Variants in VPS37A observed in about 807,000 individuals in gnomAD.
VPS37A encodes the protein VPS37A subunit of ESCRT-I.
In VPS37A, 30 loss-of-function variants were observed where a neutral mutation model predicts 49.8. That is an observed-to-expected ratio of 0.60 (90% CI 0.45 to 0.82). The LOEUF (loss-of-function observed/expected upper bound fraction) is 0.82. Ranked by LOEUF, VPS37A falls within the 40% of genes least tolerant of loss-of-function variation. The pLI is 0.00. For synonymous variants in VPS37A, 195 were observed against 160.6 expected (o/e 1.21, Z -1.62); for missense variants, 593 against 464.4 (o/e 1.28, Z -2.55).
the VPS37A span, among the ~76,000 whole-genome samples, chr8:17,314,272 C>T: frequency 1.3e-5 from 2 of 152,066 alleles, no homozygotes; most frequent in Admixed American, 6.5e-5. Context: ...ATCAAGAAAT[C>T]ATAGATTTCT....
chr8:17,317,724 C>A, the VPS37A span, among the ~76,000 whole-genome samples: 35 of 152,256 alleles, frequency 2.3e-4, no homozygotes, highest in East Asian at 4.8e-3. Flanking sequence ...GGCTCGAATT[C>A]CAGAGATTGT....
intron 1 of VPS37A, among the ~76,000 whole-genome samples, chr8:17,250,656 C>T (rs954134247): frequency 1.3e-5 from 2 of 152,166 alleles, no homozygotes; most frequent in African/African-American, 2.4e-5. Flanking sequence ...TTTTTAACCC[C>T]TTATAATTCC....
Position 17,260,762 on chromosome 8 carries a change from G to A in VPS37A, c.126-5145G>A, listed in dbSNP as rs181350128. Among the ~76,000 whole-genome samples the A allele has an allele frequency of 5.9e-5, 9 of 152,182 alleles. No homozygotes were observed. The East Asian group carries it at 7.7e-4, about 13-fold the overall frequency. On this transcript the variant is annotated intron_variant, in intron 1 of 11. Transcript: ENST00000324849. ...TGGCAAGTTGTTTGTTTGTTTGTTCGTTTTTTCCTTTCAGCATTTGGAAAA... is the reference window on the plus strand; with the variant it reads ...TGGCAAGTTGTTTGTTTGTTTGTTCATTTTTTCCTTTCAGCATTTGGAAAA...
At chr8:17,252,300 T>C (rs189445147) in intron 1 of VPS37A, among the ~76,000 whole-genome samples, 117 of 152,284 alleles carry the variant, frequency 7.7e-4, no homozygotes, top group Non-Finnish European at 1.3e-3. Flanking sequence ...TACAGGCACA[T>C]GCCATCATGC....
At chr8:17,304,468 G>A (rs187644767), downstream of VPS37A, 15 of 1,613,922 alleles carry the variant, frequency 9.3e-6, no homozygotes, top group African/African-American at 1.3e-5. Flanking sequence ...TCAGGTAGTC[G>A]GCCCGATTCT....
the VPS37A span, chr8:17,311,578 G>A: frequency 2.5e-6 from 4 of 1,614,082 alleles, no homozygotes; most frequent in Non-Finnish European, 3.4e-6. Flanking sequence ...CACCTGAGCG[G>A]TCCTGTCCCA....
At chr8:17,273,728 C>A (rs923341468) in intron 4 of VPS37A, among the ~76,000 whole-genome samples, 1 of 151,648 alleles carries the variant, frequency 6.6e-6, no homozygotes, top group Non-Finnish European at 1.5e-5. Flanking sequence ...TTTTTTCTTT[C>A]TACTGTGGCT....
At chr8:17,291,377 C>T (rs1816134488) in intron 11 of VPS37A, among the ~76,000 whole-genome samples, 1 of 150,234 alleles carries the variant, frequency 6.7e-6, no homozygotes, top group South Asian at 2.1e-4. Context: ...CTTTTTTAGT[C>T]TGGCTAGTGG....
chr8:17,325,341 A>C, the VPS37A span, among the ~76,000 whole-genome samples: 19,555 of 152,132 alleles, frequency 0.13, 1,674 homozygotes, highest in East Asian at 0.32. Flanking sequence ...TCCACACCGA[A>C]TGAAGATTTC....
the VPS37A span, among the ~76,000 whole-genome samples, chr8:17,321,340 G>A: frequency 1.3e-5 from 2 of 152,206 alleles, no homozygotes; most frequent in East Asian, 1.9e-4. Flanking sequence ...TCTCAGCAAT[G>A]GGACAGGCTG....
chr8:17,301,374 T>C (rs540042082), downstream of VPS37A, among the ~76,000 whole-genome samples: 21 of 152,290 alleles, frequency 1.4e-4, no homozygotes, highest in African/African-American at 4.6e-4. Context: ...GATTTAAACT[T>C]GGACATTCTG....
chr8:17,331,636 G>A, the VPS37A span, among the ~76,000 whole-genome samples: 3 of 152,146 alleles, frequency 2.0e-5, no homozygotes, highest in East Asian at 1.9e-4. Context: ...ACACATAACC[G>A]GTAGGTTGGC....
chr8:17,248,776 T>C (rs1288849808), intron 1 of VPS37A, among the ~76,000 whole-genome samples: 1 of 152,224 alleles, frequency 6.6e-6, no homozygotes, highest in East Asian at 1.9e-4. Flanking sequence ...TTGTCTCAAT[T>C]GTTCTGTTTG....
chr8:17,300,089 T>A, downstream of VPS37A: 2 of 1,614,188 alleles, frequency 1.2e-6, no homozygotes, highest in Non-Finnish European at 1.7e-6. Flanking sequence ...AATGATTTCA[T>A]ATTCCCACTG....
In VPS37A at chr8:17,280,367, T is replaced by C; in HGVS notation, c.901-8T>C. 6.2e-7 allele frequency: 1 copy of C among 1,603,550 alleles called. No individual in the cohort carries two copies. The highest frequency in any genetic ancestry group is 8.5e-7 in the Non-Finnish European group (1 of 1,177,044). ...AGAATAAAACAACCTTTTCATTTTC[T>C]CTTTTAGTATGAATTACTTACACAG... On this transcript the variant is annotated splice_polypyrimidine_tract_variant and splice_region_variant and intron_variant, in intron 8 of 11. Coordinates refer to ENST00000324849, the MANE Select transcript of VPS37A (RefSeq NM_152415.3).
chr8:17,265,950 A>C lies in VPS37A; in HGVS notation c.169A>C (p.Thr57Pro), dbSNP rs974688784. 1 of 1,613,072 alleles carries C rather than the reference A, an allele frequency of 6.2e-7. No individual in the cohort carries two copies. Residue 57 changes from threonine to proline, a missense_variant, in exon 2 of 12, where the codon ACC becomes CCC. By Grantham distance (38) the Thr-to-Pro change is conservative. Coordinates refer to ENST00000324849, the MANE Select transcript of VPS37A (RefSeq NM_152415.3). ...QKDVEYRLPF[T>P]INNLTININI... ...AGATGTGGAATACAGATTGCCATTCACCATAAACAACCTGACAATTAACAT... is the reference window on the plus strand; with the variant it reads ...AGATGTGGAATACAGATTGCCATTCCCCATAAACAACCTGACAATTAACAT...
At chr8:17,310,357 T>C in the VPS37A span, among the ~76,000 whole-genome samples, 1 of 152,120 alleles carries the variant, frequency 6.6e-6, no homozygotes, top group African/African-American at 2.4e-5. Flanking sequence ...ATATCCCCAA[T>C]GCTTTAAAGT....
At chr8:17,304,429 C>G (rs1362320632), downstream of VPS37A, 1 of 1,614,038 alleles carries the variant, frequency 6.2e-7, no homozygotes, top group Non-Finnish European at 8.5e-7. Flanking sequence ...TTCCCTGAGT[C>G]TGGCTGTGAT....
At chr8:17,308,831 C>T in the VPS37A span, among the ~76,000 whole-genome samples, 1 of 152,190 alleles carries the variant, frequency 6.6e-6, no homozygotes, top group South Asian at 2.1e-4. Context: ...CTGAAGCCTT[C>T]ATCACCACTC....
Sources: allele counts gnomAD v4.1 joint callset (sites outside exome capture counted in the v4.1 genomes callset), GRCh38; gene constraint gnomAD v4.1.1; transcripts MANE v1.5; gene names NCBI Gene and HGNC (gene_info 2026-07-23, HGNC 2026-07-21).